Variants in PFKL observed in about 807,000 individuals in gnomAD.
PFKL encodes ATP-dependent 6-phosphofructokinase, liver type.
In PFKL, 74 loss-of-function variants were observed where a neutral mutation model predicts 92.1. That is an observed-to-expected ratio of 0.80 (90% CI 0.67 to 0.97). The LOEUF is 0.97. PFKL is among the 50% of genes least tolerant of loss of function. The probability of loss-of-function intolerance (pLI) is 0.00; values close to 1 mark genes in which losing one functional copy is unlikely to be tolerated. For synonymous variants in PFKL, 494 were observed against 456.4 expected (o/e 1.08, Z -1.05); for missense variants, 1,028 against 1,116.6 (o/e 0.92, Z 1.13).
Position 44,326,242 on chromosome 21 carries a change from C to T in PFKL, c.2173C>T (p.Leu725Phe), listed in dbSNP as rs142401488. 1.2e-6 allele frequency: 2 copies of T among 1,611,810 alleles called. No homozygotes were observed. Among genetic ancestry groups the T allele is most frequent in the Non-Finnish European group, 8.5e-7 (1 of 1,178,920 alleles). ...KAVAFSPVTE[L>F]KKDTDFEHRM... ...GGTGGCCTTCAGCCCCGTCACTGAG[C>T]TCAAGAAAGACACTGATTTCGAGTG... is the stretch of plus-strand genomic sequence containing the variant. Residue 725 changes from leucine (L) to phenylalanine (F), a missense_variant, in exon 21 of 22, where the codon CTC becomes TTC. Coordinates refer to ENST00000349048, the MANE Select transcript of PFKL (RefSeq NM_002626.6).
At chr21:44,315,980 C>G in intron 7 of PFKL, 1 of 513,276 alleles carries the variant, frequency 1.9e-6, no homozygotes, top group Non-Finnish European at 3.5e-6. Flanking sequence ...CCCGAGGGCC[C>G]CCTTCCTCCC....
At chr21:44,303,615 T>G (rs192466686) in intron 1 of PFKL, among the ~76,000 whole-genome samples, 1 of 152,080 alleles carries the variant, frequency 6.6e-6, no homozygotes, top group Admixed American at 6.5e-5. Flanking sequence ...TTATCGCAGG[T>G]GAGGACTTAG....
intron 11 of PFKL, chr21:44,319,747 C>G (rs934568317): frequency 4.6e-5 from 24 of 520,812 alleles, no homozygotes; most frequent in Non-Finnish European, 7.6e-5. Flanking sequence ...GGGTACCACC[C>G]CCCTGCAGGC....
intron 1 of PFKL, chr21:44,305,307 G>A (rs1194138439): frequency 7.3e-7 from 1 of 1,364,320 alleles, no homozygotes; most frequent in South Asian, 1.1e-5. Flanking sequence ...CCCACGCCAA[G>A]CTGGAGAGCG....
intron 7 of PFKL, 25 bp downstream of exon 7, chr21:44,314,046 G>A (rs1402148780): frequency 1.3e-6 from 2 of 1,516,146 alleles, no homozygotes; most frequent in East Asian, 4.6e-5. Context: ...GCCTGCTGGG[G>A]GCCGCAGGTG....
chr21:44,322,439 C>T (rs1164962500), intron 14 of PFKL, among the ~76,000 whole-genome samples: 1 of 152,186 alleles, frequency 6.6e-6, no homozygotes, highest in African/African-American at 2.4e-5. Context: ...CTCTCCGTGG[C>T]AAGGAAGCTG....
At chr21:44,319,283 ACAGGG>A (rs1369969427) in intron 10 of PFKL, 63 bp from the exon 11 acceptor site, 9 of 1,371,268 alleles carry the variant, frequency 6.6e-6, no homozygotes, top group Non-Finnish European at 9.4e-6. Flanking sequence ...GGCCCACCAG[ACAGGG>A]CAGTAGCCAT....
In PFKL at chr21:44,315,821, A is replaced by C. The variant is rs73372442; in HGVS notation, c.748-423A>C. The C allele has an allele frequency of 9.0e-3, 2,114 of 233,828 alleles. 46 individuals carry two copies. The highest frequency in any genetic ancestry group is 0.045 in the African/African-American group (1,968 of 43,686). The allele number at this position is 233,828 out of a possible 1,614,324, so 14.5% of individuals were successfully genotyped here. A position where few individuals can be genotyped will look rare whatever the true frequency, so the allele number is the denominator to read the frequency against. On this transcript the variant is annotated intron_variant, in intron 7 of 21. Coordinates refer to ENST00000349048, the MANE Select transcript of PFKL (RefSeq NM_002626.6). ...TATAAGGATGAGCAGATGGAAGCTC[A>C]CAGGGGCCCCAGGTACCTGGCCCAG...
At chr21:44,317,244 G>T (rs1381576666) in intron 9 of PFKL, among the ~76,000 whole-genome samples, 1 of 152,234 alleles carries the variant, frequency 6.6e-6, no homozygotes, top group Non-Finnish European at 1.5e-5. Flanking sequence ...GGTGGGACTT[G>T]TGCTGAGGGA....
At position 44,306,738 on chromosome 21, in the gene PFKL, T is replaced by C; in HGVS notation, c.143T>C (p.Val48Ala). The C allele has an allele frequency of 6.2e-7, 1 of 1,613,836 alleles. No homozygotes were observed. Among genetic ancestry groups the C allele is most frequent in the Non-Finnish European group, 8.5e-7 (1 of 1,179,890 alleles). ...ATGGGCATTTATGTGGGTGCCAAAG[T>C]CTTCCTCATCTACGAGGTAAGGCCA... ...TRMGIYVGAK[V>A]FLIYEGYEGL... Residue 48 changes from valine to alanine, a missense_variant, in exon 2 of 22, where the codon GTC becomes GCC. Transcript: ENST00000349048.
chr21:44,310,544 C>T (rs1024245947), intron 2 of PFKL, among the ~76,000 whole-genome samples: 7 of 152,212 alleles, frequency 4.6e-5, no homozygotes, highest in South Asian at 2.1e-4. Context: ...GAGCACGCGC[C>T]GCACACCCCG....
At chr21:44,326,359 C>A in intron 21 of PFKL, 95 bp downstream of exon 21, 1 of 947,988 alleles carries the variant, frequency 1.1e-6, no homozygotes, top group Admixed American at 2.2e-5. Flanking sequence ...CCCACTGGCA[C>A]CCTGACCCCG....
chr21:44,302,072 A>G (rs1455198807), intron 1 of PFKL, among the ~76,000 whole-genome samples: 1 of 152,162 alleles, frequency 6.6e-6, no homozygotes, highest in Non-Finnish European at 1.5e-5. Flanking sequence ...TGGGCCTCCC[A>G]TCTCTGTCTG....
chr21:44,326,586 A>G, intron 21 of PFKL, 129 bp from the exon 22 acceptor site: 1 of 1,174,436 alleles, frequency 8.5e-7, no homozygotes, highest in Non-Finnish European at 1.2e-6. Flanking sequence ...CTCCACGGAT[A>G]CCGAGATGTT....
At chr21:44,305,716 TG>T in intron 1 of PFKL, 2 of 1,263,424 alleles carry the variant, frequency 1.6e-6, no homozygotes, top group Non-Finnish European at 2.1e-6. Flanking sequence ...TCTTTTGAGA[TG>T]GGGGCTCTCG....
At chr21:44,309,947 C>T (rs746218315) in intron 2 of PFKL, among the ~76,000 whole-genome samples, 1 of 152,234 alleles carries the variant, frequency 6.6e-6, no homozygotes, top group Admixed American at 6.5e-5. Context: ...TCCCTTGACC[C>T]CCTGCCTGCT....
Position 44,323,042 on chromosome 21 carries a change from G to A in PFKL, c.1490G>A (p.Gly497Glu). The A allele has an allele frequency of 6.2e-7, 1 of 1,612,884 alleles. No homozygotes were observed. The highest frequency in any genetic ancestry group is 8.5e-7 in the Non-Finnish European group (1 of 1,179,434). ...YGIHALLVVG[G>E]FEAYEGVLQL... ...ATTCACGCCCTGCTGGTGGTCGGTGGGTTTGAGGTGAGAGCTGCCCACGGA... is the reference window on the plus strand; with the variant it reads ...ATTCACGCCCTGCTGGTGGTCGGTGAGTTTGAGGTGAGAGCTGCCCACGGA... Residue 497 changes from glycine to glutamate, a missense_variant, in exon 15 of 22, where the codon GGG becomes GAG. Coordinates refer to ENST00000349048, the MANE Select transcript of PFKL (RefSeq NM_002626.6).
chr21:44,314,165 C>T (rs964858659), intron 7 of PFKL, 144 bp downstream of exon 7: 14 of 645,368 alleles, frequency 2.2e-5, no homozygotes, highest in African/African-American at 7.2e-5. Flanking sequence ...GGGCGGGACA[C>T]GCAAGGAGTG....
chr21:44,326,312 C>A, intron 21 of PFKL, 48 bp downstream of exon 21: 1 of 1,378,992 alleles, frequency 7.3e-7, no homozygotes, highest in Non-Finnish European at 1.0e-6. Context: ...TGAGGGGTGG[C>A]CCAGACCTTC....
Sources: allele counts gnomAD v4.1 joint callset (sites outside exome capture counted in the v4.1 genomes callset), GRCh38; gene constraint gnomAD v4.1.1; transcripts MANE v1.5; gene names NCBI Gene and HGNC (gene_info 2026-07-23, HGNC 2026-07-21).